The following HELZ variants were observed in gnomAD, a reference collection of about 807,000 sequenced individuals.
HELZ encodes helicase with zinc finger.
HELZ carries 23 observed loss-of-function variants against 218.2 expected under a neutral mutation model. That is an observed-to-expected ratio of 0.11 (90% confidence interval 0.08 to 0.15). HELZ has a LOEUF of 0.15. Ranked by LOEUF, HELZ falls within the 10% of genes least tolerant of loss-of-function variation. The pLI is 1.00. For synonymous variants in HELZ, 814 were observed against 829.4 expected (o/e 0.98, Z 0.32); for missense variants, 1,813 against 2,353.7 (o/e 0.77, Z 4.75).
At chr17:67,161,590 G>C (rs1437206572) in intron 15 of HELZ, among the ~76,000 whole-genome samples, 1 of 152,196 alleles carries the variant, frequency 6.6e-6, no homozygotes, top group African/African-American at 2.4e-5. Context: ...CCCTGGTTAA[G>C]AGATCCTAAT....
chr17:67,119,290 C>G (rs998216404), intron 27 of HELZ, among the ~76,000 whole-genome samples: 2 of 152,120 alleles, frequency 1.3e-5, no homozygotes, highest in Non-Finnish European at 2.9e-5. Context: ...GCGGTACATC[C>G]ATACAACTGA....
At chr17:67,145,442 T>C (rs577949100) in intron 21 of HELZ, among the ~76,000 whole-genome samples, 1 of 152,140 alleles carries the variant, frequency 6.6e-6, no homozygotes, top group Admixed American at 6.6e-5. Flanking sequence ...TTACTCAGAG[T>C]CTATTTTAGA....
intron 5 of HELZ, among the ~76,000 whole-genome samples, chr17:67,212,244 G>A (rs2040472109): frequency 7.1e-6 from 1 of 139,944 alleles, no homozygotes; most frequent in Non-Finnish European, 1.5e-5. Flanking sequence ...GAACCCAGGA[G>A]GCACAGGTTG....
intron 2 of HELZ, among the ~76,000 whole-genome samples, chr17:67,241,110 G>T (rs1598490395): frequency 6.6e-6 from 1 of 152,170 alleles, no homozygotes; most frequent in Non-Finnish European, 1.5e-5. Flanking sequence ...TGAATGGTAA[G>T]ATAGTATGGC....
intron 28 of HELZ, 87 bp from the exon 29 acceptor site, chr17:67,109,773 G>T: frequency 1.1e-6 from 1 of 915,942 alleles, no homozygotes; most frequent in Non-Finnish European, 1.7e-6. Context: ...CACATCTAAA[G>T]GATATGATAC....
intron 31 of HELZ, among the ~76,000 whole-genome samples, chr17:67,103,644 T>C (rs1286612904): frequency 1.3e-5 from 2 of 152,224 alleles, no homozygotes; most frequent in Non-Finnish European, 2.9e-5. Flanking sequence ...GAAGACTTAA[T>C]ATTGTTAAGG....
chr17:67,103,696 C>A (rs987912989), intron 31 of HELZ, among the ~76,000 whole-genome samples: 1 of 152,120 alleles, frequency 6.6e-6, no homozygotes, highest in Non-Finnish European at 1.5e-5. Context: ...TAAAGCAATT[C>A]TTTTTTTAAA....
At position 67,216,003 on chromosome 17, in the gene HELZ, A is replaced by C. The variant is rs1006678703; in HGVS notation, c.211-68T>G. 3.3e-6 allele frequency: 3 copies of C among 905,508 alleles called. No individual in the cohort carries two copies. The African/African-American group carries it at 5.0e-5, about 15-fold the overall frequency. 56.1% of individuals were successfully genotyped at this position (905,508 alleles called of 1,614,324 possible). ...CTGCTTTTAACAGAGATGTTGTCAA[A>C]GGGAAACTTGGCTTTGTTTCAAAGT... On this transcript the variant is annotated intron_variant, in intron 4 of 32. Transcript: ENST00000358691.
At position 67,149,968 on chromosome 17, in the gene HELZ, G is replaced by A; in HGVS notation, c.2374C>T (p.Leu792=). The A allele has an allele frequency of 6.2e-7, 1 of 1,608,778 alleles. No homozygotes were observed. The highest frequency in any genetic ancestry group is 8.5e-7 in the Non-Finnish European group (1 of 1,176,896). ...ATGGCCTGGGCAGCTTCATCTAATA[G>A]AATGTGTGTAAAAAACCCTAGAAAA... ...DLEPGFFTHI[L]LDEAAQAMEC... Residue 792 remains leucine (L), a synonymous_variant, in exon 19 of 33, where the codon CTA becomes TTA. Coordinates refer to ENST00000358691, the MANE Select transcript of HELZ (RefSeq NM_014877.4).
intron 13 of HELZ, among the ~76,000 whole-genome samples, chr17:67,168,536 C>G (rs780790786): frequency 1.3e-5 from 2 of 152,172 alleles, no homozygotes; most frequent in African/African-American, 2.4e-5. Context: ...GGACTTTAAA[C>G]CAATTACTTT....
At chr17:67,107,821 G>T in intron 30 of HELZ, 136 bp from the exon 31 acceptor site, 1 of 733,660 alleles carries the variant, frequency 1.4e-6, no homozygotes, top group Non-Finnish European at 2.2e-6. Flanking sequence ...ATTCATCTCA[G>T]ATGTAAGCAT....
chr17:67,215,930 AT>A lies in HELZ; in HGVS notation c.215del (p.Asn72IlefsTer33). 2 of 1,539,938 alleles carry A rather than the reference AT, an allele frequency of 1.3e-6. No homozygotes were observed. The highest frequency in any genetic ancestry group is 1.8e-6 in the Non-Finnish European group (2 of 1,116,394). ...YRIASFLQLK[N>X]YVQADEDCRH... Reference sequence around the variant, plus strand: ...TACAATCTTCATCAGCTTGCACATAATTTTTCTGCAAAACAAAAATACAAGA... The same window carrying A: ...TACAATCTTCATCAGCTTGCACATAATTTTCTGCAAAACAAAAATACAAGA... On this transcript the variant is annotated frameshift_variant, in exon 5 of 33. Coordinates refer to ENST00000358691, the MANE Select transcript of HELZ (RefSeq NM_014877.4). LOFTEE classifies it high-confidence loss of function.
At chr17:67,152,094 T>C (rs1010752517) in intron 17 of HELZ, among the ~76,000 whole-genome samples, 1 of 152,118 alleles carries the variant, frequency 6.6e-6, no homozygotes, top group Non-Finnish European at 1.5e-5. Context: ...GCAGAACATA[T>C]ATGGTGGGGG....
rs2037211456 is a variant in HELZ at position 67,109,449 on chromosome 17, T to C, written c.4156A>G (p.Asn1386Asp). 1 of 1,614,164 alleles carries C rather than the reference T, an allele frequency of 6.2e-7. No individual in the cohort carries two copies. Among genetic ancestry groups the C allele is most frequent in the East Asian group, 2.2e-5 (1 of 44,880 alleles). Residue 1386 changes from asparagine (N) to aspartate (D), a missense_variant, in exon 29 of 33, where the codon AAT becomes GAT. By Grantham distance (23) the Asn-to-Asp change is conservative (BLOSUM62 1). Coordinates refer to ENST00000358691, the MANE Select transcript of HELZ (RefSeq NM_014877.4). ...ATCTGATTTGGTTGTTCAGGCAAAT[T>C]ATTCTGCTGCTGATTTAACAAGGTG... Reference protein sequence around the residue: ...QHTLLNQQQNNLPEQPNQIPP... With the variant: ...QHTLLNQQQNDLPEQPNQIPP...
At chr17:67,177,230 G>A (rs2039485119) in intron 13 of HELZ, among the ~76,000 whole-genome samples, 2 of 151,974 alleles carry the variant, frequency 1.3e-5, no homozygotes, top group African/African-American at 2.4e-5. Flanking sequence ...TACAATTACA[G>A]GTGTGAGCCA....
chr17:67,159,346 TG>T (rs1372533939), intron 17 of HELZ, among the ~76,000 whole-genome samples: 5 of 152,306 alleles, frequency 3.3e-5, no homozygotes, highest in Middle Eastern at 3.4e-3. Context: ...TTTCCTCTTT[TG>T]TTTTTTTAAT....
chr17:67,245,474 G>T, upstream of HELZ: 1 of 985,710 alleles, frequency 1.0e-6, no homozygotes, highest in Non-Finnish European at 1.2e-6. Flanking sequence ...GCCTCGCCGC[G>T]TTCCTGCCCG....
At chr17:67,135,874 T>C (rs995965821) in intron 23 of HELZ, 96 bp downstream of exon 23, 3 of 1,003,954 alleles carry the variant, frequency 3.0e-6, no homozygotes, top group Non-Finnish European at 4.4e-6. Context: ...AAACCTGTTT[T>C]TAATTAGCCA....
intron 32 of HELZ, among the ~76,000 whole-genome samples, chr17:67,083,412 C>CA (rs2036259148): frequency 6.6e-6 from 1 of 152,088 alleles, no homozygotes; most frequent in East Asian, 1.9e-4. Flanking sequence ...GAGGCTGAGG[C>CA]GGACAGATCA....
Sources: allele counts gnomAD v4.1 joint callset (sites outside exome capture counted in the v4.1 genomes callset), GRCh38; gene constraint gnomAD v4.1.1; transcripts MANE v1.5; gene names NCBI Gene and HGNC (gene_info 2026-07-23, HGNC 2026-07-21).